ABHD3: variants seen among roughly 807,000 people sequenced by gnomAD.
ABHD3 encodes phospholipase ABHD3.
ABHD3 carries 46 observed loss-of-function variants against 48.8 expected under a neutral mutation model. The ratio of observed to expected loss-of-function variants is 0.94; its 90% CI spans 0.74 to 1.20. The LOEUF is 1.20. Ranked by LOEUF, ABHD3 falls within the 50% of genes most tolerant of loss-of-function variation. The pLI is 0.00. For synonymous variants in ABHD3, 192 were observed against 183.7 expected, an observed-to-expected ratio of 1.04 and a Z score of -0.36; for missense variants, 490 against 497.8, an observed-to-expected ratio of 0.98 and a Z score of 0.15.
intron 6 of ABHD3, among the ~76,000 whole-genome samples, chr18:21,657,967 G>GTGGA (rs1388513479): frequency 6.6e-6 from 1 of 152,082 alleles, no homozygotes; most frequent in East Asian, 1.9e-4. Context: ...GGAGGCTGAG[G>GTGGA]TGGATGGATT....
intron 4 of ABHD3, chr18:21,683,049 TAA>T (rs1474632263): frequency 6.6e-6 from 1 of 152,644 alleles, no homozygotes; most frequent in Non-Finnish European, 1.5e-5. Flanking sequence ...CAAGTTCTTA[TAA>T]AGTGTTGACA....
intron 4 of ABHD3, among the ~76,000 whole-genome samples, chr18:21,671,946 A>G (rs1018433985): frequency 6.6e-6 from 1 of 152,224 alleles, no homozygotes; most frequent in African/African-American, 2.4e-5. Flanking sequence ...CAACAACAGT[A>G]ATTTAATGGC....
At chr18:21,704,407 G>A in intron 1 of ABHD3, 97 bp downstream of exon 1, 2 of 1,194,394 alleles carry the variant, frequency 1.7e-6, no homozygotes, top group Non-Finnish European at 2.1e-6. Context: ...CCTATCCCCG[G>A]GGCTGCCGAC....
intron 4 of ABHD3, among the ~76,000 whole-genome samples, chr18:21,669,892 G>A (rs939667848): frequency 6.6e-6 from 1 of 152,104 alleles, no homozygotes; most frequent in East Asian, 1.9e-4. Context: ...CCTGAAGCAA[G>A]GATGTGAGTG....
intron 4 of ABHD3, among the ~76,000 whole-genome samples, chr18:21,669,480 A>G (rs1247186728): frequency 6.6e-6 from 1 of 152,060 alleles, no homozygotes; most frequent in African/African-American, 2.4e-5. Context: ...GTCAATACCC[A>G]GTTCTTGAAG....
intron 2 of ABHD3, among the ~76,000 whole-genome samples, chr18:21,702,786 G>T (rs1034272363): frequency 6.6e-6 from 1 of 152,112 alleles, no homozygotes; most frequent in Non-Finnish European, 1.5e-5. Flanking sequence ...AAAACATCCA[G>T]CATTTAACCC....
chr18:21,661,364 G>A (rs2039490984), intron 5 of ABHD3, among the ~76,000 whole-genome samples: 1 of 152,068 alleles, frequency 6.6e-6, no homozygotes, highest in Admixed American at 6.5e-5. Flanking sequence ...CCAGCCGGGC[G>A]CAGTGGCTCA....
intron 4 of ABHD3, among the ~76,000 whole-genome samples, chr18:21,670,758 T>TA (rs1008548497): frequency 1.3e-5 from 2 of 152,298 alleles, no homozygotes; most frequent in South Asian, 4.1e-4. Flanking sequence ...CTCATACCTG[T>TA]AATCCCAGCA....
chr18:21,664,105 G>A lies in ABHD3; in HGVS notation c.668+13C>T, dbSNP rs752795385. 10 of 1,602,260 alleles carry A rather than the reference G, an allele frequency of 6.2e-6. No homozygotes were observed. The highest frequency in any genetic ancestry group is 1.7e-4 in the Middle Eastern group (1 of 5,978). On this transcript the variant is annotated intron_variant, in intron 5 of 8. Coordinates refer to ENST00000289119, the MANE Select transcript of ABHD3 (RefSeq NM_138340.5). ...TCCCTCTCAGAGATTATTTTAGAAA[G>A]GGAAAACCTTACCCTCCCATTGAAA...
At chr18:21,689,104 C>A (rs570401494) in intron 3 of ABHD3, among the ~76,000 whole-genome samples, 4 of 152,124 alleles carry the variant, frequency 2.6e-5, no homozygotes, top group South Asian at 4.1e-4. Context: ...ACAATGACAA[C>A]AAAAAGCATG....
rs527733713 is a variant in ABHD3 at position 21,704,748 on chromosome 18, G to A, written c.-83C>T. 453 of 978,478 alleles carry A rather than the reference G, an allele frequency of 4.6e-4. 4 individuals are homozygous for A. The African/African-American group carries it at 0.016, about 35-fold the overall frequency. 60.6% of individuals were successfully genotyped at this position (978,478 alleles called of 1,614,324 possible). On this transcript the variant is annotated 5_prime_UTR_variant, in exon 1 of 9. Transcript: ENST00000289119. ...GCGAGAGCGGGCGAGAGCGGACGCG[G>A]CGCCGCTGCCTACTCCCGACCACAG...
chr18:21,655,318 C>T (rs1300302058), intron 8 of ABHD3, among the ~76,000 whole-genome samples: 3 of 145,156 alleles, frequency 2.1e-5, no homozygotes, highest in Non-Finnish European at 4.5e-5. Flanking sequence ...GATAGAGTCT[C>T]ACTCTGTCAC....
chr18:21,698,007 A>G (rs1400251903), intron 3 of ABHD3, among the ~76,000 whole-genome samples: 1 of 151,970 alleles, frequency 6.6e-6, no homozygotes, highest in African/African-American at 2.4e-5. Context: ...CTTTACACAA[A>G]TAGTAACTGG....
At chr18:21,676,261 A>G (rs920966923) in intron 4 of ABHD3, among the ~76,000 whole-genome samples, 1 of 152,238 alleles carries the variant, frequency 6.6e-6, no homozygotes, top group African/African-American at 2.4e-5. Flanking sequence ...AACTTAGGTA[A>G]ATCATTTACT....
intron 4 of ABHD3, among the ~76,000 whole-genome samples, chr18:21,668,571 T>A (rs944277539): frequency 2.6e-5 from 4 of 152,082 alleles, no homozygotes; most frequent in Admixed American, 1.3e-4. Context: ...ATAAGGAAAT[T>A]AAGGCCTGGC....
At chr18:21,694,007 A>G (rs545999917) in intron 3 of ABHD3, among the ~76,000 whole-genome samples, 3 of 152,222 alleles carry the variant, frequency 2.0e-5, no homozygotes, top group Non-Finnish European at 4.4e-5. Flanking sequence ...CTAATGCTGC[A>G]GGAAAAGCTA....
intron 3 of ABHD3, among the ~76,000 whole-genome samples, chr18:21,695,548 T>C (rs920095882): frequency 2.0e-5 from 3 of 152,110 alleles, no homozygotes; most frequent in Non-Finnish European, 2.9e-5. Flanking sequence ...CAAAAGTAAT[T>C]GGGGTTTTTG....
chr18:21,697,100 G>C (rs2040388273), intron 3 of ABHD3, among the ~76,000 whole-genome samples: 2 of 139,948 alleles, frequency 1.4e-5, no homozygotes. Context: ...TTTTGAGCCA[G>C]AGTCTCACTC....
intron 8 of ABHD3, among the ~76,000 whole-genome samples, chr18:21,652,474 G>GA (rs1286424713): frequency 4.6e-5 from 7 of 151,852 alleles, no homozygotes; most frequent in Non-Finnish European, 8.8e-5. Flanking sequence ...AAGAGAGAAA[G>GA]AAAAAAGAAA....
Sources: gnomAD v4.1 joint callset for allele counts (sites outside exome capture counted in the v4.1 genomes callset) on GRCh38, gnomAD v4.1.1 for gene constraint, MANE v1.5 for transcripts, NCBI Gene and HGNC (gene_info 2026-07-23, HGNC 2026-07-21) for gene names.